The following CYP7B1 variants were observed in gnomAD, a reference collection of about 807,000 sequenced individuals.
The protein encoded by CYP7B1 is cytochrome P450 family 7 subfamily B member 1.
CYP7B1 carries 29 observed loss-of-function variants against 42.7 expected under a neutral mutation model. The ratio of observed to expected loss-of-function variants is 0.68; its 90% confidence interval spans 0.51 to 0.93. The LOEUF (loss-of-function observed/expected upper bound fraction) is 0.93, where lower values mean the gene tolerates loss of function less well. CYP7B1 is among the 40% of genes least tolerant of loss of function. The probability of loss-of-function intolerance (pLI) is 0.00; values close to 1 mark genes in which losing one functional copy is unlikely to be tolerated. For missense variants in CYP7B1, 655 were observed against 600.5 expected (o/e 1.09, Z -0.95); for synonymous variants, 235 against 218.2 (o/e 1.08, Z -0.68).
At chr8:64,625,679 C>T (rs1460857693) in intron 1 of CYP7B1, among the ~76,000 whole-genome samples, 1 of 152,132 alleles carries the variant, frequency 6.6e-6, no homozygotes, top group African/African-American at 2.4e-5. Context: ...AGTCAAACTG[C>T]TTGTCAGAAA....
At chr8:64,725,568 A>G (rs2129632960) in intron 1 of CYP7B1, among the ~76,000 whole-genome samples, 1 of 152,316 alleles carries the variant, frequency 6.6e-6, no homozygotes, top group Non-Finnish European at 1.5e-5. Context: ...CCTTGCTGAC[A>G]GTGGGAGCTG....
intron 1 of CYP7B1, among the ~76,000 whole-genome samples, chr8:64,723,302 TC>T (rs969338658): frequency 2.1e-4 from 32 of 152,096 alleles, no homozygotes; most frequent in Non-Finnish European, 3.8e-4. Context: ...ATGTAACACT[TC>T]CCCCTCCAAA....
intron 1 of CYP7B1, among the ~76,000 whole-genome samples, chr8:64,653,453 G>A (rs1201741549): frequency 6.6e-6 from 1 of 152,158 alleles, no homozygotes; most frequent in East Asian, 1.9e-4. Context: ...GAACCAGGAA[G>A]AAATTGATTC....
intron 2 of CYP7B1, among the ~76,000 whole-genome samples, chr8:64,620,545 T>C (rs1437889906): frequency 3.3e-5 from 5 of 152,196 alleles, no homozygotes; most frequent in South Asian, 2.1e-4. Context: ...TTAATTTCTT[T>C]ATTAAGATGA....
At chr8:64,742,920 T>C (rs1178789599) in intron 1 of CYP7B1, among the ~76,000 whole-genome samples, 1 of 152,232 alleles carries the variant, frequency 6.6e-6, no homozygotes, top group Non-Finnish European at 1.5e-5. Flanking sequence ...AAAAAGTTTT[T>C]CATTTCTAAA....
At position 64,615,942 on chromosome 8, in the gene CYP7B1, AC is replaced by A; in HGVS notation, c.598del (p.Val200LeufsTer13). 2 of 1,613,646 alleles carry A rather than the reference AC, an allele frequency of 1.2e-6. No homozygotes were observed. The highest frequency in any genetic ancestry group is 1.7e-6 in the Non-Finnish European group (2 of 1,179,778). On this transcript the variant is annotated frameshift_variant, in exon 3 of 6. Transcript: ENST00000310193. LOFTEE classifies it high-confidence loss of function. ...EITFTTIYGK[V>X]IVCDNNKFIS... is the part of the protein sequence containing the mutation. The stretch of plus-strand genomic sequence containing the variant: ...AAATTTGTTGTTGTCACAAACAATA[AC>A]TTTTCCATATATAGTTGTAAATGTG...
intron 1 of CYP7B1, among the ~76,000 whole-genome samples, chr8:64,705,645 G>T (rs759018789): frequency 6.6e-6 from 1 of 151,886 alleles, no homozygotes; most frequent in African/African-American, 2.4e-5. Flanking sequence ...TGCAGTTAAG[G>T]TACACTTTTA....
At chr8:64,673,370 C>A (rs544586147) in intron 1 of CYP7B1, among the ~76,000 whole-genome samples, 87 of 152,214 alleles carry the variant, frequency 5.7e-4, no homozygotes, top group African/African-American at 2.1e-3. Flanking sequence ...GCCTCCAACC[C>A]TTTTTGGTTC....
At chr8:64,701,379 ACT>A (rs1241500605) in intron 1 of CYP7B1, among the ~76,000 whole-genome samples, 3 of 151,832 alleles carry the variant, frequency 2.0e-5, no homozygotes, top group Non-Finnish European at 4.4e-5. Context: ...ATGGAATTAA[ACT>A]CTTTCTTTAT....
intron 1 of CYP7B1, among the ~76,000 whole-genome samples, chr8:64,726,229 T>A (rs191219043): frequency 1.8e-4 from 27 of 152,362 alleles, no homozygotes; most frequent in African/African-American, 5.8e-4. Flanking sequence ...TTCTTCTTTT[T>A]ATTAACAAAG....
At chr8:64,727,342 T>A (rs1404121126) in intron 1 of CYP7B1, among the ~76,000 whole-genome samples, 1 of 152,186 alleles carries the variant, frequency 6.6e-6, no homozygotes, top group Non-Finnish European at 1.5e-5. Context: ...ATGACATAAT[T>A]CCCTAGCATT....
chr8:64,709,553 G>T (rs1807049959), intron 1 of CYP7B1, among the ~76,000 whole-genome samples: 3 of 152,152 alleles, frequency 2.0e-5, no homozygotes, highest in Admixed American at 2.0e-4. Context: ...TCAGAATCCT[G>T]GGATTTATAA....
chr8:64,723,908 C>A (rs1373686254), intron 1 of CYP7B1, among the ~76,000 whole-genome samples: 1 of 151,998 alleles, frequency 6.6e-6, no homozygotes, highest in Non-Finnish European at 1.5e-5. Flanking sequence ...TTGACCAGGA[C>A]AATTTTTCAT....
intron 1 of CYP7B1, among the ~76,000 whole-genome samples, chr8:64,753,809 C>T (rs1241981680): frequency 6.6e-6 from 1 of 152,196 alleles, no homozygotes; most frequent in Non-Finnish European, 1.5e-5. Flanking sequence ...TTGAGCTGCA[C>T]TTTGGGTGAC....
At chr8:64,678,250 G>A (rs1226764931) in intron 1 of CYP7B1, among the ~76,000 whole-genome samples, 2 of 151,882 alleles carry the variant, frequency 1.3e-5, no homozygotes, top group Non-Finnish European at 2.9e-5. Context: ...TATAAACATG[G>A]GTATCATTTC....
chr8:64,798,340 G>A, intron 1 of CYP7B1, 126 bp downstream of exon 1: 2 of 1,330,760 alleles, frequency 1.5e-6, no homozygotes, highest in South Asian at 1.8e-5. Flanking sequence ...AAGGAAGCCA[G>A]TACCCCGCAG....
chr8:64,753,852 G>C (rs1291491733), intron 1 of CYP7B1, among the ~76,000 whole-genome samples: 1 of 152,190 alleles, frequency 6.6e-6, no homozygotes, highest in African/African-American at 2.4e-5. Flanking sequence ...TGTGAGGGCT[G>C]AGCTCCAGTC....
intron 1 of CYP7B1, among the ~76,000 whole-genome samples, chr8:64,716,054 T>A (rs1421755667): frequency 6.6e-6 from 1 of 152,274 alleles, no homozygotes. Flanking sequence ...ACATGCATTT[T>A]AAATCTTTTC....
At chr8:64,710,151 C>A (rs1807060319) in intron 1 of CYP7B1, among the ~76,000 whole-genome samples, 1 of 152,152 alleles carries the variant, frequency 6.6e-6, no homozygotes, top group South Asian at 2.1e-4. Context: ...TCCATCCCTC[C>A]TAGCCTACCA....
Sources: allele counts gnomAD v4.1 joint callset (sites outside exome capture counted in the v4.1 genomes callset), GRCh38; gene constraint gnomAD v4.1.1; transcripts MANE v1.5; gene names NCBI Gene and HGNC (gene_info 2026-07-23, HGNC 2026-07-21).